Variants in RGP1 observed in about 807,000 individuals in gnomAD.
The protein encoded by RGP1 is RAB6A-GEF complex partner protein 2.
Under a neutral mutation model 44.5 loss-of-function variants are expected in RGP1, and 28 were observed. The ratio of observed to expected loss-of-function variants is 0.63; its 90% CI spans 0.47 to 0.86. The LOEUF (loss-of-function observed/expected upper bound fraction) is 0.86. Ranked by LOEUF, RGP1 falls within the 40% of genes least tolerant of loss-of-function variation. The pLI is 0.00. For missense variants in RGP1, 417 were observed against 490.7 expected, an observed-to-expected ratio of 0.85 and a Z score of 1.42; for synonymous variants, 212 against 196.7, an observed-to-expected ratio of 1.08 and a Z score of -0.65.
At chr9:35,760,106 ATCT>A (rs529583025), downstream of RGP1, among the ~76,000 whole-genome samples, 239 of 151,868 alleles carry the variant, frequency 1.6e-3, 4 homozygotes, top group South Asian at 0.022. Flanking sequence ...GTCAGTTCTA[ATCT>A]TCTCCTTTTC....
the RGP1 span, among the ~76,000 whole-genome samples, chr9:35,771,319 A>T: frequency 6.6e-6 from 1 of 151,808 alleles, no homozygotes; most frequent in South Asian, 2.1e-4. Context: ...TGCTTCCTTT[A>T]CCCCTTCTGG....
In RGP1 at chr9:35,752,107, T is replaced by C. The variant is rs1301511807; in HGVS notation, c.914T>C (p.Ile305Thr). ...ACTAGAACCAGCTTCTCCCTCCCAATCCCTCTCAGCTCCACCCCAGGCTTC... is the reference window on the plus strand; with the variant it reads ...ACTAGAACCAGCTTCTCCCTCCCAACCCCTCTCAGCTCCACCCCAGGCTTC... The part of the protein sequence containing the change: ...HTTRTSFSLP[I>T]PLSSTPGFCT... The change falls in exon 8 of 9, where the codon ATC becomes ACC. Residue 305 changes from isoleucine (I) to threonine (T), a missense_variant. Coordinates refer to ENST00000378078, the MANE Select transcript of RGP1 (RefSeq NM_001080496.3). 6.9e-6 allele frequency: 11 copies of C among 1,592,442 alleles called. No homozygotes were observed. The highest frequency in any genetic ancestry group is 9.4e-6 in the Non-Finnish European group (11 of 1,169,160).
chr9:35,755,795 C>G lies in RGP1; in HGVS notation c.*2921C>G, dbSNP rs1216218859. 2 of 152,214 alleles carry G rather than the reference C, an allele frequency of 1.3e-5. No homozygotes were observed. The highest frequency in any genetic ancestry group is 4.8e-5 in the African/African-American group (2 of 41,430). 9.4% of individuals were successfully genotyped at this position (152,214 alleles called of 1,614,324 possible). On this transcript the variant is annotated 3_prime_UTR_variant, in exon 9 of 9. Coordinates refer to ENST00000378078, the MANE Select transcript of RGP1 (RefSeq NM_001080496.3). ...CCACAGACTGGTACTGGCCTGTGGC[C>G]TGGGGGATGGAGACCCCTAATCCAT... is the stretch of plus-strand genomic sequence containing the variant.
At chr9:35,789,329 C>CTTT in the RGP1 span, among the ~76,000 whole-genome samples, 6 of 137,684 alleles carry the variant, frequency 4.4e-5, no homozygotes, top group East Asian at 2.1e-4. Context: ...CTTCCACTTC[C>CTTT]TTTTTTTTTT....
the RGP1 span, among the ~76,000 whole-genome samples, chr9:35,774,669 A>G: frequency 6.6e-6 from 1 of 152,122 alleles, no homozygotes; most frequent in Non-Finnish European, 1.5e-5. Flanking sequence ...GCTTGCAGTG[A>G]GCCGAGATTG....
chr9:35,753,143 G>T lies in RGP1; in HGVS notation c.*269G>T, dbSNP rs1453294361. ...AGGAGCCCCAGGAACAGGGGTGTTG[G>T]CTGAGCCCCATTCTGGGTCAGGCCC... On this transcript the variant is annotated 3_prime_UTR_variant, in exon 9 of 9. Coordinates refer to ENST00000378078, the MANE Select transcript of RGP1 (RefSeq NM_001080496.3). The surrounding 1 kb of genome is among the most constrained non-coding windows in gnomAD (Gnocchi z 4.2). The T allele has an allele frequency of 5.0e-6, 8 of 1,614,068 alleles. No homozygotes were observed. In the Admixed American group the frequency reaches 1.3e-4, roughly 27 times the overall value.
the RGP1 span, chr9:35,772,353 G>A: frequency 1.3e-5 from 2 of 152,124 alleles, no homozygotes; most frequent in Non-Finnish European, 1.5e-5. Flanking sequence ...ATGACTATGA[G>A]TATGAGCTAT....
chr9:35,785,999 G>A, the RGP1 span, among the ~76,000 whole-genome samples: 8 of 151,750 alleles, frequency 5.3e-5, no homozygotes, highest in Non-Finnish European at 7.4e-5. Context: ...ATCTTACATC[G>A]CCACTGCTTA....
Position 35,749,997 on chromosome 9 carries a change from T to G in RGP1, c.116+126T>G. Reference sequence around the variant, plus strand: ...CCTCTTGCTCACTGTGCTGTCATTGTAGGAGAGGGCTCTTTAACAGAAGAT... The same window carrying G: ...CCTCTTGCTCACTGTGCTGTCATTGGAGGAGAGGGCTCTTTAACAGAAGAT... On this transcript the variant is annotated intron_variant, in intron 2 of 8. Transcript: ENST00000378078. The surrounding 1 kb of genome is among the most constrained non-coding windows in gnomAD (Gnocchi z 4.4). 1 of 868,348 alleles carries G rather than the reference T, an allele frequency of 1.2e-6. No homozygotes were observed. The highest frequency in any genetic ancestry group is 1.8e-6 in the Non-Finnish European group (1 of 557,740). The allele number at this position is 868,348 out of a possible 1,614,324, so 53.8% of individuals were successfully genotyped here.
chr9:35,754,350 A>C lies in RGP1; in HGVS notation c.*1476A>C. 1 of 473,418 alleles carries C rather than the reference A, an allele frequency of 2.1e-6. No homozygotes were observed. The highest frequency in any genetic ancestry group is 3.6e-6 in the Non-Finnish European group (1 of 276,902). The allele number at this position is 473,418 out of a possible 1,614,324, so 29.3% of individuals were successfully genotyped here. A position where few individuals can be genotyped will look rare whatever the true frequency, so the allele number is the denominator to read the frequency against. ...GCTGAGTAGAGCTGGAAAAGTTGTAACTCTGTTTCCTGAGGTGAGGGCATG... is the reference window on the plus strand; with the variant it reads ...GCTGAGTAGAGCTGGAAAAGTTGTACCTCTGTTTCCTGAGGTGAGGGCATG... On this transcript the variant is annotated 3_prime_UTR_variant, in exon 9 of 9. Coordinates refer to ENST00000378078, the MANE Select transcript of RGP1 (RefSeq NM_001080496.3).
chr9:35,764,042 C>A, the RGP1 span, among the ~76,000 whole-genome samples: 1 of 151,630 alleles, frequency 6.6e-6, no homozygotes, highest in Non-Finnish European at 1.5e-5. Context: ...CGGCTTGAGG[C>A]TAGGAGGTTG....
At chr9:35,771,479 AT>A in the RGP1 span, among the ~76,000 whole-genome samples, 1 of 152,188 alleles carries the variant, frequency 6.6e-6, no homozygotes, top group Admixed American at 6.5e-5. Context: ...TTAGCCCAAA[AT>A]TGCTGTCTTC....
chr9:35,750,260 C>T lies in RGP1; in HGVS notation c.134C>T (p.Ala45Val). 2 of 1,613,708 alleles carry T rather than the reference C, an allele frequency of 1.2e-6. No individual in the cohort carries two copies. Among genetic ancestry groups the T allele is most frequent in the East Asian group, 2.2e-5 (1 of 44,890 alleles). ...TSASSEALAW[A>V]SAQIHCQFHA... ...TCCCACAGTGAGGCCCTGGCCTGGGCCAGTGCCCAAATCCACTGCCAGTTC... is the reference window on the plus strand; with the variant it reads ...TCCCACAGTGAGGCCCTGGCCTGGGTCAGTGCCCAAATCCACTGCCAGTTC... Residue 45 changes from alanine (A) to valine (V), a missense_variant, in exon 3 of 9, where the codon GCC becomes GTC. Ala to Val is a moderately conservative substitution (Grantham distance 64). Coordinates refer to ENST00000378078, the MANE Select transcript of RGP1 (RefSeq NM_001080496.3).
chr9:35,787,229 C>T, the RGP1 span, among the ~76,000 whole-genome samples: 11 of 150,662 alleles, frequency 7.3e-5, no homozygotes, highest in African/African-American at 2.5e-4. Context: ...CAGCGCCCAC[C>T]GCTGCCCCCT....
At chr9:35,787,048 C>T in the RGP1 span, among the ~76,000 whole-genome samples, 194 of 148,924 alleles carry the variant, frequency 1.3e-3, no homozygotes, top group African/African-American at 4.4e-3. Flanking sequence ...TGCAGTGAGC[C>T]GAGAATGAGC....
downstream of RGP1, among the ~76,000 whole-genome samples, chr9:35,760,140 C>A (rs1042269893): frequency 1.3e-5 from 2 of 152,008 alleles, no homozygotes; most frequent in African/African-American, 4.8e-5. Flanking sequence ...ATGAAATTCA[C>A]CATTTTAAAA....
chr9:35,788,975 C>A, the RGP1 span, among the ~76,000 whole-genome samples: 1 of 152,060 alleles, frequency 6.6e-6, no homozygotes, highest in African/African-American at 2.4e-5. Context: ...TCCCACTTCC[C>A]TTTTGTCTTT....
At chr9:35,780,454 A>ATG in the RGP1 span, 1 of 152,248 alleles carries the variant, frequency 6.6e-6, no homozygotes, top group Non-Finnish European at 1.5e-5. Flanking sequence ...GTGGCAGGTT[A>ATG]TGTTTATACC....
chr9:35,789,445 C>T, the RGP1 span, among the ~76,000 whole-genome samples: 3 of 151,262 alleles, frequency 2.0e-5, no homozygotes, highest in Admixed American at 6.6e-5. Context: ...ACCACAGGTT[C>T]GTGCCACCAT....
Sources: gnomAD v4.1 joint callset for allele counts (sites outside exome capture counted in the v4.1 genomes callset) on GRCh38, gnomAD v4.1.1 for gene constraint, Gnocchi (gnomAD v3.1) non-coding constraint, MANE v1.5 for transcripts, NCBI Gene and HGNC (gene_info 2026-07-23, HGNC 2026-07-21) for gene names.